Variants in NFYB observed in about 807,000 individuals in gnomAD.
NFYB encodes nuclear transcription factor Y subunit beta.
A neutral mutation model predicts 28.0 loss-of-function variants in NFYB; 13 were observed. The observed-to-expected ratio is 0.46, with a 90% CI of 0.30 to 0.74. The LOEUF is 0.74. NFYB is among the 30% of genes least tolerant of loss of function. The pLI is 0.07. For missense variants in NFYB, 142 were observed against 247.6 expected (o/e 0.57, Z 2.86); for synonymous variants, 74 against 75.0 (o/e 0.99, Z 0.07).
chr12:104,122,681 C>T (rs557953438), intron 5 of NFYB, among the ~76,000 whole-genome samples: 3 of 152,326 alleles, frequency 2.0e-5, no homozygotes, highest in East Asian at 3.9e-4. Flanking sequence ...CCATCTACCC[C>T]TCGCACCCCT....
intron 1 of NFYB, among the ~76,000 whole-genome samples, chr12:104,136,612 C>G (rs1384181845): frequency 6.6e-6 from 1 of 152,120 alleles, no homozygotes; most frequent in Non-Finnish European, 1.5e-5. Context: ...CCTCAGAACA[C>G]TTAAAACATG....
chr12:104,133,282 T>G (rs1308739970), intron 2 of NFYB, among the ~76,000 whole-genome samples: 3 of 152,222 alleles, frequency 2.0e-5, no homozygotes, highest in Non-Finnish European at 4.4e-5. Flanking sequence ...AGATGCCAAC[T>G]ACTCTCTACA....
chr12:104,120,286 C>T (rs1427707797), intron 7 of NFYB, 114 bp downstream of exon 7: 1 of 747,682 alleles, frequency 1.3e-6, no homozygotes. Context: ...AACTCCTGAC[C>T]TCAGGTGATC....
Position 104,121,245 on chromosome 12 carries a change from G to GCCT in NFYB, c.503_505dup (p.Glu168dup). 6.2e-7 allele frequency: 1 copy of GCCT among 1,609,310 alleles called. No individual in the cohort carries two copies. On this transcript the variant is annotated inframe_insertion, in exon 6 of 8. Transcript: ENST00000240055. ...TGTATTATAACAATGCTTACTAAAT[G>GCCT]CCTCCTCTGTAAGCTCTTCACTTAG...
In NFYB at chr12:104,120,417, T is replaced by C. The variant is rs776816140; in HGVS notation, c.574A>G (p.Thr192Ala). 1 of 1,613,586 alleles carries C rather than the reference T, an allele frequency of 6.2e-7. No individual in the cohort carries two copies. Among genetic ancestry groups the C allele is most frequent in the South Asian group, 1.1e-5 (1 of 91,064 alleles). The change falls in exon 7 of 8, where the codon ACA becomes GCA. Residue 192 changes from threonine (T) to alanine (A), a missense_variant. Thr to Ala is a moderately conservative substitution (Grantham distance 58, BLOSUM62 0). Transcript: ENST00000240055. ...DGQQQNVMVY[T>A]TSYQQISGVQ... Reference sequence around the variant, plus strand: ...GACTGTACCTGTTGATATGATGTTGTGTAAACCATAACATTTTGTTGTTGA... The same window carrying C: ...GACTGTACCTGTTGATATGATGTTGCGTAAACCATAACATTTTGTTGTTGA...
Position 104,119,055 on chromosome 12 carries a change from T to G in NFYB, c.*682A>C, listed in dbSNP as rs1397478013. 6.6e-6 allele frequency: 1 copy of G among 152,370 alleles called. No homozygotes were observed. The highest frequency in any genetic ancestry group is 2.4e-5 in the African/African-American group (1 of 41,428). The allele number at this position is 152,370 out of a possible 1,614,324, so 9.4% of individuals were successfully genotyped here. ...AAATCTAGTCTTAAAAAAGCTCCAG[T>G]AACTAAAACTACATTAACAGGCACG... On this transcript the variant is annotated 3_prime_UTR_variant, in exon 8 of 8. Coordinates refer to ENST00000240055, the MANE Select transcript of NFYB (RefSeq NM_006166.4).
At chr12:104,129,704 C>A (rs1405932587) in intron 2 of NFYB, among the ~76,000 whole-genome samples, 1 of 152,024 alleles carries the variant, frequency 6.6e-6, no homozygotes, top group East Asian at 1.9e-4. Context: ...CACAGTGAGA[C>A]CCTGTCTCTA....
chr12:104,125,951 G>A (rs1027421108), intron 4 of NFYB, among the ~76,000 whole-genome samples, 163 bp downstream of exon 4: 1 of 151,386 alleles, frequency 6.6e-6, no homozygotes, highest in African/African-American at 2.4e-5. Flanking sequence ...AATTGAAAAT[G>A]GGACACTGTT....
chr12:104,134,064 T>G (rs1038346279), intron 2 of NFYB, among the ~76,000 whole-genome samples: 2 of 152,206 alleles, frequency 1.3e-5, no homozygotes, highest in African/African-American at 4.8e-5. Flanking sequence ...TAGTGCTGGC[T>G]ACTACTCGCC....
rs145432486 is a variant in NFYB, at chr12:104,130,227, G to A, written c.7-1710C>T. Among the ~76,000 whole-genome samples, 1,125 of 152,280 alleles carry A rather than the reference G, an allele frequency of 7.4e-3. 21 individuals are homozygous for A. Among genetic ancestry groups the A allele is most frequent in the South Asian group, 0.074 (356 of 4,828 alleles). ...ACTTTCAGGCTGAACAAAGAAATTT[G>A]ACCCTTCATTAAGGCCCAGGACCCA... On this transcript the variant is annotated intron_variant, in intron 2 of 7. Transcript: ENST00000240055.
intron 3 of NFYB, among the ~76,000 whole-genome samples, chr12:104,127,244 G>C (rs1446926726): frequency 1.3e-5 from 2 of 152,138 alleles, no homozygotes; most frequent in African/African-American, 4.8e-5. Flanking sequence ...CCTCTGGCAA[G>C]TTTCTTCTAA....
At chr12:104,121,190 T>C (rs915698745) in intron 6 of NFYB, 50 bp downstream of exon 6, 9 of 1,418,432 alleles carry the variant, frequency 6.3e-6, no homozygotes, top group Non-Finnish European at 7.9e-6. Context: ...AGATACTTAG[T>C]ATGAATCATT....
chr12:104,118,337 TAGG>T lies in NFYB; in HGVS notation c.*1397_*1399del, dbSNP rs1212692004. On this transcript the variant is annotated 3_prime_UTR_variant, in exon 8 of 8. Coordinates refer to ENST00000240055, the MANE Select transcript of NFYB (RefSeq NM_006166.4). ...TGAAGTTTGTTTTTTAAATGGAGAG[TAGG>T]AGATGAGGACATTATTAACCTCTGA... 2 of 152,530 alleles carry T rather than the reference TAGG, an allele frequency of 1.3e-5. No homozygotes were observed. The highest frequency in any genetic ancestry group is 4.8e-5 in the African/African-American group (2 of 41,418). The allele number at this position is 152,530 out of a possible 1,614,324, so 9.4% of individuals were successfully genotyped here.
At chr12:104,135,264 G>A (rs1265778292) in intron 2 of NFYB, among the ~76,000 whole-genome samples, 184 bp downstream of exon 2, 5 of 152,194 alleles carry the variant, frequency 3.3e-5, no homozygotes, top group Non-Finnish European at 7.3e-5. Context: ...AGGGACCCAT[G>A]GGAAATAATA....
intron 1 of NFYB, among the ~76,000 whole-genome samples, 195 bp from the exon 2 acceptor site, chr12:104,135,727 T>A (rs1192024942): frequency 6.6e-6 from 1 of 152,346 alleles, no homozygotes; most frequent in Non-Finnish European, 1.5e-5. Flanking sequence ...CTTGAAAGAT[T>A]TATTTTGGAG....
intron 5 of NFYB, among the ~76,000 whole-genome samples, chr12:104,122,637 T>C (rs534827671): frequency 6.6e-6 from 1 of 152,294 alleles, no homozygotes; most frequent in East Asian, 1.9e-4. Context: ...AACTAATGCC[T>C]GATGATCTGA....
chr12:104,136,030 T>G (rs2031087642), intron 1 of NFYB, among the ~76,000 whole-genome samples: 1 of 152,152 alleles, frequency 6.6e-6, no homozygotes, highest in African/African-American at 2.4e-5. Flanking sequence ...TCTGAGAATA[T>G]AATGCTTTTC....
At chr12:104,127,710 T>C (rs2030774082) in intron 3 of NFYB, among the ~76,000 whole-genome samples, 1 of 147,812 alleles carries the variant, frequency 6.8e-6, no homozygotes, top group South Asian at 2.2e-4. Flanking sequence ...CTTTGCACTT[T>C]GTCACCCAGG....
intron 4 of NFYB, among the ~76,000 whole-genome samples, chr12:104,124,943 AT>A (rs1471833232): frequency 6.6e-6 from 1 of 152,252 alleles, no homozygotes; most frequent in Non-Finnish European, 1.5e-5. Context: ...TATTACTTCC[AT>A]AAGTCTTTTT....
Sources: gnomAD v4.1 joint callset for allele counts (sites outside exome capture counted in the v4.1 genomes callset) on GRCh38, gnomAD v4.1.1 for gene constraint, MANE v1.5 for transcripts, NCBI Gene and HGNC (gene_info 2026-07-23, HGNC 2026-07-21) for gene names.